NLRC4: variants seen among roughly 807,000 people sequenced by gnomAD.
NLRC4 encodes the protein NLR family CARD domain containing 4.
In NLRC4, 63 loss-of-function variants were observed where a neutral mutation model predicts 79.9. That is an observed-to-expected ratio of 0.79 (90% CI 0.64 to 0.97). The LOEUF is 0.97. NLRC4 is among the 50% of genes least tolerant of loss of function. NLRC4 has a pLI of 0.00. For missense variants in NLRC4, 1,074 were observed against 1,215.2 expected, an observed-to-expected ratio of 0.88 and a Z score of 1.73; for synonymous variants, 461 against 456.5, an observed-to-expected ratio of 1.01 and a Z score of -0.12.
At chr2:32,261,184 C>G (rs1687335787) in intron 1 of NLRC4, among the ~76,000 whole-genome samples, 1 of 149,224 alleles carries the variant, frequency 6.7e-6, no homozygotes. Context: ...CAGAGCGAGA[C>G]TCCATCTGAA....
In NLRC4 at chr2:32,258,726, G is replaced by C. The variant is rs370766665; in HGVS notation, c.-118-1833C>G. The stretch of plus-strand genomic sequence containing the variant: ...ATAAGAAACGGATTTCAATTTCCTG[G>C]TATGGTCCTGTCATTTCATCCTCCT... On this transcript the variant is annotated intron_variant, in intron 1 of 8. Transcript: ENST00000402280. Among the ~76,000 whole-genome samples, 13 of 152,276 alleles carry C rather than the reference G, an allele frequency of 8.5e-5. No individual in the cohort carries two copies. The East Asian group carries it at 1.4e-3, about 16-fold the overall frequency.
At chr2:32,234,147 C>T (rs1284282320) in intron 8 of NLRC4, among the ~76,000 whole-genome samples, 1 of 151,974 alleles carries the variant, frequency 6.6e-6, no homozygotes, top group Non-Finnish European at 1.5e-5. Flanking sequence ...TTTGGGAGGC[C>T]AGGGCAGGCG....
chr2:32,238,142 C>T lies in NLRC4; in HGVS notation c.2511G>A (p.Val837=). The T allele has an allele frequency of 6.2e-7, 1 of 1,613,026 alleles. No homozygotes were observed. Among genetic ancestry groups the T allele is most frequent in the Non-Finnish European group, 8.5e-7 (1 of 1,179,660 alleles). The change falls in exon 6 of 9, where the codon GTG becomes GTA. Residue 837 remains valine (V), a synonymous_variant. Coordinates refer to ENST00000402280, the MANE Select transcript of NLRC4 (RefSeq NM_001199138.2). ...LVSCCLSANA[V]KILAQNLHNL... ...GGAAGCAACAGTTACCTAGGATTTTCACTGCATTTGCAGACAAGCAGCAGG... is the reference window on the plus strand; with the variant it reads ...GGAAGCAACAGTTACCTAGGATTTTTACTGCATTTGCAGACAAGCAGCAGG...
chr2:32,252,187 A>G (rs895458927), intron 3 of NLRC4, among the ~76,000 whole-genome samples: 1 of 152,208 alleles, frequency 6.6e-6, no homozygotes, highest in Non-Finnish European at 1.5e-5. Flanking sequence ...GCAGTGAGAC[A>G]ATACTCAATC....
rs377140938 is a variant in NLRC4 at position 32,250,616 on chromosome 2, C to T, written c.1248G>A (p.Val416=). The T allele has an allele frequency of 8.6e-4, 1,390 of 1,614,168 alleles. 3 individuals are homozygous for T. The highest frequency in any genetic ancestry group is 1.0e-3 in the Non-Finnish European group (1,199 of 1,180,018). ...CAGTTGTCAGCAGGACATCCTCATT[C>T]ACGCTGGACACATCCTGCAGTTCGA... is the stretch of plus-strand genomic sequence containing the variant. ...FDFELQDVSS[V]NEDVLLTTGL... Residue 416 remains valine, a synonymous_variant, in exon 4 of 9, where the codon GTG becomes GTA. Coordinates refer to ENST00000402280, the MANE Select transcript of NLRC4 (RefSeq NM_001199138.2). This position sits in a 1 kb window ranked among gnomAD's most constrained non-coding sequence, Gnocchi z 4.9.
chr2:32,253,006 A>G (rs1215187177), intron 2 of NLRC4, among the ~76,000 whole-genome samples: 6 of 151,868 alleles, frequency 4.0e-5, no homozygotes, highest in Non-Finnish European at 7.4e-5. Flanking sequence ...CGAAAGAGCG[A>G]GACTCCGTCT....
intron 2 of NLRC4, 91 bp downstream of exon 2, chr2:32,256,684 G>A (rs977328733): frequency 1.3e-6 from 1 of 763,392 alleles, no homozygotes; most frequent in Admixed American, 1.8e-5. Flanking sequence ...TGACTGGTCA[G>A]AGGAAGCCAT....
Position 32,252,684 on chromosome 2 carries a change from G to A in NLRC4, c.2-5C>T, listed in dbSNP as rs768202398. ...TATTGTCCTTTATGAAATTCACTGA[G>A]GAGATGGGGAGAAATATACATATTT... On this transcript the variant is annotated splice_region_variant and splice_polypyrimidine_tract_variant and intron_variant, in intron 2 of 8. Coordinates refer to ENST00000402280, the MANE Select transcript of NLRC4 (RefSeq NM_001199138.2). The A allele has an allele frequency of 6.2e-7, 1 of 1,609,974 alleles. No homozygotes were observed. Among genetic ancestry groups the A allele is most frequent in the Non-Finnish European group, 8.5e-7 (1 of 1,176,558 alleles).
At chr2:32,235,165 CTTG>C (rs1018960989) in intron 8 of NLRC4, among the ~76,000 whole-genome samples, 2 of 152,064 alleles carry the variant, frequency 1.3e-5, no homozygotes, top group African/African-American at 4.8e-5. Context: ...TATAATACAT[CTTG>C]TTGGATACTG....
In NLRC4 at chr2:32,250,070, GA is replaced by G. The variant is rs1473293855; in HGVS notation, c.1793del (p.Phe598SerfsTer75). On this transcript the variant is annotated frameshift_variant, in exon 4 of 9. Coordinates refer to ENST00000402280, the MANE Select transcript of NLRC4 (RefSeq NM_001199138.2). LOFTEE classifies it high-confidence loss of function. This position sits in a 1 kb window ranked among gnomAD's most constrained non-coding sequence, Gnocchi z 4.9. The stretch of plus-strand genomic sequence containing the variant: ...TTGCACAATTGGGCAAATGTTCAAA[GA>G]AGTCAAATAAGTAATCGGGGATGTT... ...SGNIPDYLFDFFEHLPNCASA... is the reference protein window; with the variant it reads ...SGNIPDYLFDXFEHLPNCASA... The G allele has an allele frequency of 6.2e-7, 1 of 1,614,072 alleles. No homozygotes were observed. The highest frequency in any genetic ancestry group is 8.5e-7 in the Non-Finnish European group (1 of 1,180,032).
chr2:32,259,530 C>G (rs1687289631), intron 1 of NLRC4, among the ~76,000 whole-genome samples: 1 of 151,992 alleles, frequency 6.6e-6, no homozygotes, highest in East Asian at 1.9e-4. Flanking sequence ...CGTTAGTACA[C>G]TTCTATGTTC....
intron 1 of NLRC4, among the ~76,000 whole-genome samples, chr2:32,264,000 C>T (rs1013634700): frequency 2.0e-5 from 3 of 152,084 alleles, no homozygotes; most frequent in African/African-American, 4.8e-5. Context: ...ATAGGTGTCC[C>T]GTAAAGGGTG....
Position 32,250,184 on chromosome 2 carries a change from A to C in NLRC4, c.1680T>G (p.His560Gln), listed in dbSNP as rs940051181. Residue 560 changes from histidine (H) to glutamine (Q), a missense_variant, in exon 4 of 9, where the codon CAT becomes CAG. Physicochemically the swap from His to Gln is conservative, Grantham distance 24. Transcript: ENST00000402280. This position sits in a 1 kb window ranked among gnomAD's most constrained non-coding sequence, Gnocchi z 4.9. ...NINSFVECGIHLYQESTSKSA... is the reference protein window; with the variant it reads ...NINSFVECGIQLYQESTSKSA... ...ATTTGGATGTACTCTCTTGATATAA[A>C]TGGATGCCACACTCTACAAAGGAAT... 5.0e-6 allele frequency: 8 copies of C among 1,614,248 alleles called. No homozygotes were observed. Among genetic ancestry groups the C allele is most frequent in the Non-Finnish European group, 5.9e-6 (7 of 1,180,048 alleles).
At chr2:32,249,505 A>C in intron 4 of NLRC4, 102 bp downstream of exon 4, 1 of 996,204 alleles carries the variant, frequency 1.0e-6, no homozygotes, top group South Asian at 1.6e-5. Flanking sequence ...TGCAGGCTGT[A>C]ACCCTTTAGA....
At chr2:32,258,219 G>C (rs1372558602) in intron 1 of NLRC4, among the ~76,000 whole-genome samples, 1 of 152,166 alleles carries the variant, frequency 6.6e-6, no homozygotes, top group African/African-American at 2.4e-5. Context: ...CTGGCGTGCC[G>C]ATGTCTGTTG....
At chr2:32,263,085 G>A (rs962768985) in intron 1 of NLRC4, among the ~76,000 whole-genome samples, 4 of 152,142 alleles carry the variant, frequency 2.6e-5, no homozygotes, top group Non-Finnish European at 5.9e-5. Context: ...GCTCCTCAGA[G>A]AACTGAAGTT....
rs557723374 is a variant in NLRC4 at position 32,251,086 on chromosome 2, C to G, written c.778G>C (p.Glu260Gln). The change falls in exon 4 of 9, where the codon GAA (glutamate) becomes CAA (glutamine). Residue 260 changes from glutamate to glutamine, a missense_variant. By Grantham distance (29) the Glu-to-Gln change is conservative. Coordinates refer to ENST00000402280, the MANE Select transcript of NLRC4 (RefSeq NM_001199138.2). ...YNEFKPQNCP[E>Q]IEALIKENHR... ...TTTTCCTTTATCAGGGCTTCGATTT[C>G]TGGGCAGTTCTGGGGCTTGAATTCA... 3 of 1,614,160 alleles carry G rather than the reference C, an allele frequency of 1.9e-6. No individual in the cohort carries two copies. The highest frequency in any genetic ancestry group is 2.5e-6 in the Non-Finnish European group (3 of 1,180,038).
intron 1 of NLRC4, among the ~76,000 whole-genome samples, chr2:32,259,262 ATTTTTTTTTTTTTTTT>A (rs57570626): frequency 1.9e-5 from 1 of 52,878 alleles, no homozygotes; most frequent in Non-Finnish European, 3.4e-5. Context: ...TGCCTGGCTA[ATTTTTTTTTTTTTTTT>A]TTTTTTTTTT....
At position 32,238,283 on chromosome 2, in the gene NLRC4, C is replaced by G. The variant is rs373493465; in HGVS notation, c.2370G>C (p.Leu790=). ...TCAAATGAAATAAACACATCTTCTT[C>G]AGGTTTTTCAGGCCTTCAGCTGAAA... is the stretch of plus-strand genomic sequence containing the variant. ...AIKLAEGLKN[L]KKMCLFHLTH... is the part of the protein sequence containing the mutation. Residue 790 remains leucine (L), a synonymous_variant, in exon 6 of 9, where the codon CTG becomes CTC. Coordinates refer to ENST00000402280, the MANE Select transcript of NLRC4 (RefSeq NM_001199138.2). The G allele has an allele frequency of 8.7e-6, 14 of 1,610,328 alleles. No individual in the cohort carries two copies. The highest frequency in any genetic ancestry group is 1.1e-5 in the Non-Finnish European group (13 of 1,178,924).
Sources: gnomAD v4.1 joint callset for allele counts (sites outside exome capture counted in the v4.1 genomes callset) on GRCh38, gnomAD v4.1.1 for gene constraint, Gnocchi (gnomAD v3.1) non-coding constraint, MANE v1.5 for transcripts, NCBI Gene and HGNC (gene_info 2026-07-23, HGNC 2026-07-21) for gene names.